The following EYS variants were observed in gnomAD, a reference collection of about 807,000 sequenced individuals.
EYS encodes the protein EGF-like photoreceptor maintenance factor.
EYS carries 250 observed loss-of-function variants against 282.1 expected under a neutral mutation model. That is an observed-to-expected ratio of 0.89 (90% CI 0.80 to 0.98). The LOEUF is 0.98. Ranked by LOEUF, EYS falls within the 50% of genes least tolerant of loss-of-function variation. EYS has a pLI of 0.00. For synonymous variants in EYS, 1,355 were observed against 1,282.9 expected, an observed-to-expected ratio of 1.06 and a Z score of -1.20; for missense variants, 4,016 against 3,709.0, an observed-to-expected ratio of 1.08 and a Z score of -2.15.
rs370575702 is a variant in EYS, at chr6:64,679,028, G to A, written c.3444-52783C>T. On this transcript the variant is annotated intron_variant, in intron 22 of 42. Transcript: ENST00000503581. Reference sequence around the variant, plus strand: ...TGATTTTTTAAAATGTGTTCAATATGTTATACACTTACATAATTTAAAGTT... The same window carrying A: ...TGATTTTTTAAAATGTGTTCAATATATTATACACTTACATAATTTAAAGTT... Among the ~76,000 whole-genome samples, 65 of 149,864 alleles carry A rather than the reference G, an allele frequency of 4.3e-4. 1 individual carries two copies. Among genetic ancestry groups the A allele is most frequent in the East Asian group, 3.3e-3 (17 of 5,150 alleles).
intron 37 of EYS, among the ~76,000 whole-genome samples, chr6:63,799,319 A>T (rs796498838): frequency 5.9e-5 from 9 of 151,704 alleles, no homozygotes; most frequent in African/African-American, 1.9e-4. Context: ...CGGCTCCTAA[A>T]TTTTTTTTAT....
chr6:65,153,208 C>T (rs1203842407), intron 12 of EYS, among the ~76,000 whole-genome samples: 2 of 151,796 alleles, frequency 1.3e-5, no homozygotes, highest in East Asian at 2.0e-4. Context: ...GCAGCAGGAG[C>T]TGAGGGTGGC....
chr6:63,914,316 G>A (rs1764361811), intron 35 of EYS, among the ~76,000 whole-genome samples: 1 of 152,168 alleles, frequency 6.6e-6, no homozygotes, highest in African/African-American at 2.4e-5. Flanking sequence ...AGCTAAGATA[G>A]GTAGAAAGCT....
chr6:64,307,245 C>T (rs1769487963), intron 29 of EYS, among the ~76,000 whole-genome samples, 163 bp from the exon 30 acceptor site: 1 of 151,996 alleles, frequency 6.6e-6, no homozygotes, highest in African/African-American at 2.4e-5. Context: ...TCATAAATAT[C>T]AATCCAAAAA....
chr6:65,545,240 G>GT lies in EYS; in HGVS notation c.-332-49248dup, dbSNP rs66509470. Among the ~76,000 whole-genome samples, 73 of 149,588 alleles carry GT rather than the reference G, an allele frequency of 4.9e-4. 1 individual carries two copies. Among genetic ancestry groups the GT allele is most frequent in the South Asian group, 6.3e-4 (3 of 4,776 alleles). On this transcript the variant is annotated intron_variant, in intron 2 of 42. Transcript: ENST00000503581. ...TCCTGGCCTAGATTTTTTTTATTCT[G>GT]TTTTTTTTTTTTCTCTGATCATTAT...
chr6:64,497,899 G>A (rs190725599), intron 26 of EYS, among the ~76,000 whole-genome samples: 1 of 152,250 alleles, frequency 6.6e-6, no homozygotes, highest in Admixed American at 6.5e-5. Flanking sequence ...TAATGGTAAT[G>A]ACATGCATAC....
At chr6:65,213,514 T>C (rs182565825) in intron 12 of EYS, among the ~76,000 whole-genome samples, 1 of 152,326 alleles carries the variant, frequency 6.6e-6, no homozygotes, top group Non-Finnish European at 1.5e-5. Flanking sequence ...GTGTGACGGC[T>C]GGGCAATTCT....
intron 15 of EYS, among the ~76,000 whole-genome samples, chr6:64,939,504 T>G (rs1769018327): frequency 6.6e-6 from 1 of 151,976 alleles, no homozygotes. Flanking sequence ...GTTGCTTATT[T>G]TGTTTTCAAT....
At chr6:65,279,457 A>T (rs1274494519) in intron 12 of EYS, among the ~76,000 whole-genome samples, 3 of 152,162 alleles carry the variant, frequency 2.0e-5, no homozygotes, top group Non-Finnish European at 4.4e-5. Context: ...ATTAGGCAAC[A>T]TACCACACTT....
chr6:64,830,996 A>G (rs752353461), intron 19 of EYS, among the ~76,000 whole-genome samples: 1 of 151,954 alleles, frequency 6.6e-6, no homozygotes, highest in Non-Finnish European at 1.5e-5. Flanking sequence ...TCAACTATGA[A>G]GGGGCCATCC....
chr6:64,467,614 A>G (rs1424742658), intron 26 of EYS, among the ~76,000 whole-genome samples: 1 of 152,040 alleles, frequency 6.6e-6, no homozygotes, highest in Non-Finnish European at 1.5e-5. Flanking sequence ...CCCACTTATT[A>G]CCACCACTGA....
At chr6:65,407,876 C>T (rs1243477528) in intron 5 of EYS, among the ~76,000 whole-genome samples, 1 of 151,322 alleles carries the variant, frequency 6.6e-6, no homozygotes, top group East Asian at 2.0e-4. Context: ...CCAATTCTTC[C>T]AAGAAAAGCT....
At chr6:63,803,993 G>A (rs959166106) in intron 37 of EYS, among the ~76,000 whole-genome samples, 3 of 152,042 alleles carry the variant, frequency 2.0e-5, no homozygotes, top group African/African-American at 7.2e-5. Context: ...ACACTACCGT[G>A]TTTATTGAGT....
At chr6:64,496,008 G>T (rs1287892587) in intron 26 of EYS, among the ~76,000 whole-genome samples, 1 of 151,578 alleles carries the variant, frequency 6.6e-6, no homozygotes, top group Admixed American at 6.6e-5. Flanking sequence ...ACTAGAAGAG[G>T]CAACATTTAC....
At chr6:64,345,250 C>T (rs1486149625) in intron 29 of EYS, among the ~76,000 whole-genome samples, 3 of 152,128 alleles carry the variant, frequency 2.0e-5, no homozygotes, top group Non-Finnish European at 4.4e-5. Flanking sequence ...CAAGTCAATG[C>T]TAAGCCAAAA....
intron 1 of EYS, among the ~76,000 whole-genome samples, chr6:65,651,289 A>G (rs1341997413): frequency 6.6e-6 from 1 of 152,082 alleles, no homozygotes; most frequent in Non-Finnish European, 1.5e-5. Context: ...AGTGAAAAAA[A>G]ACAGAAGAAT....
At chr6:63,735,390 C>G (rs1021771721) in intron 41 of EYS, among the ~76,000 whole-genome samples, 1 of 152,024 alleles carries the variant, frequency 6.6e-6, no homozygotes, top group African/African-American at 2.4e-5. Context: ...ACTCTCATCT[C>G]TTTCACCCAG....
At chr6:64,735,228 C>T (rs758480856) in intron 22 of EYS, among the ~76,000 whole-genome samples, 2 of 152,158 alleles carry the variant, frequency 1.3e-5, no homozygotes, top group African/African-American at 2.4e-5. Flanking sequence ...AGACTACAGG[C>T]GCCTGCCACC....
intron 37 of EYS, among the ~76,000 whole-genome samples, chr6:63,792,576 CTT>C (rs1319963978): frequency 6.6e-6 from 1 of 151,848 alleles, no homozygotes; most frequent in Admixed American, 6.6e-5. Context: ...TACCCTAGAA[CTT>C]TAAGTATAAT....
Sources: gnomAD v4.1 joint callset for allele counts (sites outside exome capture counted in the v4.1 genomes callset) on GRCh38, gnomAD v4.1.1 for gene constraint, MANE v1.5 for transcripts, NCBI Gene and HGNC (gene_info 2026-07-23, HGNC 2026-07-21) for gene names.